THSD7A: variants seen among roughly 807,000 people sequenced by gnomAD.
The protein encoded by THSD7A is thrombospondin type-1 domain-containing protein 7A.
In THSD7A, 96 loss-of-function variants were observed where a neutral mutation model predicts 231.3. The observed-to-expected ratio is 0.41, with a 90% confidence interval of 0.35 to 0.49. THSD7A has a LOEUF of 0.49. THSD7A is among the 20% of genes least tolerant of loss of function. The pLI is 0.05. For synonymous variants in THSD7A, 940 were observed against 743.3 expected (o/e 1.26, Z -4.30); for missense variants, 2,290 against 2,070.2 (o/e 1.11, Z -2.06).
chr7:11,545,185 C>T (rs1292495507), intron 4 of THSD7A, among the ~76,000 whole-genome samples: 2 of 152,004 alleles, frequency 1.3e-5, no homozygotes, highest in African/African-American at 2.4e-5. Flanking sequence ...TGGAAACTTT[C>T]GGAGTATCTA....
rs531689284 is a variant in THSD7A at position 11,551,945 on chromosome 7, G to C, written c.1454-8828C>G. Among the ~76,000 whole-genome samples the C allele has an allele frequency of 3.9e-5, 6 of 152,142 alleles. No individual in the cohort carries two copies. In the South Asian group the frequency reaches 1.0e-3, roughly 26 times the overall value. On this transcript the variant is annotated intron_variant, in intron 4 of 27. Coordinates refer to ENST00000423059, the MANE Select transcript of THSD7A (RefSeq NM_015204.3). ...ACAGCAAAAACATGGAATCAACCTA[G>C]ATGCCCATCAACAGTGAACTGGATA... is the stretch of plus-strand genomic sequence containing the variant.
At chr7:11,398,739 C>T (rs1168218546) in intron 23 of THSD7A, among the ~76,000 whole-genome samples, 1 of 151,758 alleles carries the variant, frequency 6.6e-6, no homozygotes, top group Non-Finnish European at 1.5e-5. Context: ...TTTTGCCAGT[C>T]CTGCTGAGTG....
chr7:11,770,496 T>G (rs1427467391), intron 1 of THSD7A, among the ~76,000 whole-genome samples: 1 of 152,162 alleles, frequency 6.6e-6, no homozygotes, highest in Non-Finnish European at 1.5e-5. Flanking sequence ...AAGCCACATT[T>G]ACCAGTGTTT....
intron 13 of THSD7A, among the ~76,000 whole-genome samples, chr7:11,430,760 C>A (rs1432545244): frequency 6.6e-6 from 1 of 152,146 alleles, no homozygotes; most frequent in Non-Finnish European, 1.5e-5. Flanking sequence ...AACCACCATG[C>A]CTGGCTTGGC....
At position 11,808,518 on chromosome 7, in the gene THSD7A, CA is replaced by C. The variant is rs377665607; in HGVS notation, c.190+23238del. On this transcript the variant is annotated intron_variant, in intron 1 of 27. Coordinates refer to ENST00000423059, the MANE Select transcript of THSD7A (RefSeq NM_015204.3). ...TATTGGGTATTCTGTTATAGCAGCACAAAATGAATTAAGGCACAACTATATA... is the reference window on the plus strand; with the variant it reads ...TATTGGGTATTCTGTTATAGCAGCACAAATGAATTAAGGCACAACTATATA... Among the ~76,000 whole-genome samples, 206 of 152,136 alleles carry C rather than the reference CA, an allele frequency of 1.4e-3. 3 individuals are homozygous for C. The highest frequency in any genetic ancestry group is 0.01 in the Middle Eastern group (3 of 294).
chr7:11,669,834 T>G (rs774377764), intron 1 of THSD7A, among the ~76,000 whole-genome samples: 1 of 152,138 alleles, frequency 6.6e-6, no homozygotes, highest in African/African-American at 2.4e-5. Flanking sequence ...TAATCCTTCA[T>G]CTAAGAGTAC....
intron 1 of THSD7A, among the ~76,000 whole-genome samples, chr7:11,776,901 C>A (rs1783424052): frequency 1.3e-5 from 2 of 152,144 alleles, no homozygotes; most frequent in Non-Finnish European, 2.9e-5. Flanking sequence ...TTTCAGCCAT[C>A]AGTGGAAACT....
intron 17 of THSD7A, among the ~76,000 whole-genome samples, chr7:11,415,301 A>G (rs548181129): frequency 1.8e-4 from 27 of 152,366 alleles, no homozygotes; most frequent in Non-Finnish European, 3.5e-4. Flanking sequence ...CAGATTCCCA[A>G]GGAAAGATAA....
rs117711395 is a variant in THSD7A, at chr7:11,601,829, C to G, written c.1023-8327G>C. 8.9e-3 allele frequency among the ~76,000 whole-genome samples: 1,348 copies of G among 152,290 alleles called. 9 individuals are homozygous for G. The highest frequency in any genetic ancestry group is 0.013 in the Non-Finnish European group (917 of 68,018). On this transcript the variant is annotated intron_variant, in intron 2 of 27. Transcript: ENST00000423059. Reference sequence around the variant, plus strand: ...TTAATACTCTCAATAATCTTCTTATCTGGAGATCACTATTAGTCCCATTCC... The same window carrying G: ...TTAATACTCTCAATAATCTTCTTATGTGGAGATCACTATTAGTCCCATTCC...
chr7:11,396,246 C>A (rs1783181620), intron 23 of THSD7A, among the ~76,000 whole-genome samples: 1 of 151,886 alleles, frequency 6.6e-6, no homozygotes. Context: ...ACTAGAGAAG[C>A]AAGAGTAAAT....
At chr7:11,716,270 C>T (rs1242030441) in intron 1 of THSD7A, among the ~76,000 whole-genome samples, 1 of 151,544 alleles carries the variant, frequency 6.6e-6, no homozygotes, top group African/African-American at 2.4e-5. Flanking sequence ...ATCTTGAATG[C>T]CCCTGTGACT....
intron 16 of THSD7A, among the ~76,000 whole-genome samples, chr7:11,423,231 A>G (rs183288473): frequency 1.4e-4 from 21 of 152,330 alleles, no homozygotes; most frequent in Middle Eastern, 3.4e-3. Flanking sequence ...TCCATATGCA[A>G]AGGTTTTATA....
At chr7:11,662,403 C>T (rs148288761) in intron 1 of THSD7A, among the ~76,000 whole-genome samples, 2 of 151,236 alleles carry the variant, frequency 1.3e-5, no homozygotes, top group Admixed American at 6.6e-5. Flanking sequence ...TGATCTCAAA[C>T]GTATTTTAAA....
At chr7:11,421,916 A>T (rs1784157344) in intron 16 of THSD7A, among the ~76,000 whole-genome samples, 1 of 152,150 alleles carries the variant, frequency 6.6e-6, no homozygotes. Flanking sequence ...TTTTATAATC[A>T]CCCTAGAATA....
At chr7:11,534,179 G>A (rs1322359815) in intron 6 of THSD7A, among the ~76,000 whole-genome samples, 2 of 152,132 alleles carry the variant, frequency 1.3e-5, no homozygotes, top group Admixed American at 1.3e-4. Flanking sequence ...TTTTGCATGT[G>A]AGAGGATTGA....
At chr7:11,585,037 C>T (rs907858348) in intron 4 of THSD7A, among the ~76,000 whole-genome samples, 4 of 152,154 alleles carry the variant, frequency 2.6e-5, no homozygotes, top group African/African-American at 9.7e-5. Flanking sequence ...TAAAAACCTA[C>T]CAAGTCAAAG....
At chr7:11,531,491 A>G (rs943026135) in intron 6 of THSD7A, among the ~76,000 whole-genome samples, 2 of 151,996 alleles carry the variant, frequency 1.3e-5, no homozygotes, top group Non-Finnish European at 2.9e-5. Context: ...TTCTACTCCA[A>G]CCACACTGGC....
chr7:11,822,765 G>A (rs1174752098), intron 1 of THSD7A, among the ~76,000 whole-genome samples: 3 of 151,632 alleles, frequency 2.0e-5, no homozygotes. Context: ...ACTTTTTAGT[G>A]GGATTTTTAA....
At chr7:11,639,477 G>A (rs1337112192) in intron 1 of THSD7A, among the ~76,000 whole-genome samples, 1 of 152,132 alleles carries the variant, frequency 6.6e-6, no homozygotes, top group Non-Finnish European at 1.5e-5. Flanking sequence ...AGACCATCCT[G>A]ACTAACACAG....
Sources: allele counts gnomAD v4.1 joint callset (sites outside exome capture counted in the v4.1 genomes callset), GRCh38; gene constraint gnomAD v4.1.1; transcripts MANE v1.5; gene names NCBI Gene and HGNC (gene_info 2026-07-23, HGNC 2026-07-21).